ABCA8: variants seen among roughly 807,000 people sequenced by gnomAD.
The protein encoded by ABCA8 is ABC-type organic anion transporter ABCA8.
A neutral mutation model predicts 192.3 loss-of-function variants in ABCA8; 177 were observed. The ratio of observed to expected loss-of-function variants is 0.92; its 90% CI spans 0.81 to 1.04. The LOEUF is 1.04. Ranked by LOEUF, ABCA8 falls within the 50% of genes least tolerant of loss-of-function variation. The pLI is 0.00. For synonymous variants in ABCA8, 642 were observed against 690.2 expected (o/e 0.93, Z 1.09); for missense variants, 1,915 against 1,904.8 (o/e 1.01, Z -0.10).
At position 68,887,437 on chromosome 17, in the gene ABCA8, C is replaced by T; in HGVS notation, c.3214G>A (p.Val1072Met). 1 of 1,613,788 alleles carries T rather than the reference C, an allele frequency of 6.2e-7. No individual in the cohort carries two copies. The highest frequency in any genetic ancestry group is 8.5e-7 in the Non-Finnish European group (1 of 1,179,878). ...PSAYWFGQAL[V>M]DVSLYFLVFV... ...ACCAAGAAGTACAGGGAAACATCCA[C>T]CAGCGCCTGCCCAAACCAGTAAGCA... Residue 1072 changes from valine (V) to methionine (M), a missense_variant, in exon 25 of 40, where the codon GTG (valine) becomes ATG (methionine). Transcript: ENST00000586539.
intron 17 of ABCA8, among the ~76,000 whole-genome samples, chr17:68,912,759 A>C (rs1262097849): frequency 6.6e-6 from 1 of 152,118 alleles, no homozygotes; most frequent in Admixed American, 6.5e-5. Flanking sequence ...AATGTTATTA[A>C]GGCTAAAGAC....
At chr17:68,952,667 A>G (rs1483770428) in intron 1 of ABCA8, among the ~76,000 whole-genome samples, 5 of 152,086 alleles carry the variant, frequency 3.3e-5, no homozygotes, top group Non-Finnish European at 5.9e-5. Context: ...TGCTTTAAGA[A>G]CCCAGAAACT....
chr17:68,952,072 G>A (rs1030433968), intron 1 of ABCA8, among the ~76,000 whole-genome samples: 1 of 151,930 alleles, frequency 6.6e-6, no homozygotes, highest in African/African-American at 2.4e-5. Context: ...GTCTTTTATG[G>A]TTACTCTTAA....
intron 17 of ABCA8, among the ~76,000 whole-genome samples, chr17:68,912,149 G>A (rs1567853841): frequency 6.6e-6 from 1 of 152,138 alleles, no homozygotes; most frequent in Non-Finnish European, 1.5e-5. Flanking sequence ...GAGTGACAAA[G>A]ATATGTGACT....
Position 68,876,445 on chromosome 17 carries a change from G to A in ABCA8, c.4370+15C>T. On this transcript the variant is annotated intron_variant, in intron 35 of 39. Transcript: ENST00000586539. ...AGTCATCCGTGCTGTCCCTGACCGT[G>A]GTAATGTTCCTCACCACATTTGCTG... 1 of 1,613,902 alleles carries A rather than the reference G, an allele frequency of 6.2e-7. No homozygotes were observed. Among genetic ancestry groups the A allele is most frequent in the African/African-American group, 1.3e-5 (1 of 75,034 alleles).
chr17:68,889,603 G>C (rs943962332), intron 24 of ABCA8, among the ~76,000 whole-genome samples: 4 of 152,040 alleles, frequency 2.6e-5, no homozygotes, highest in African/African-American at 9.7e-5. Flanking sequence ...AGCTGAATGA[G>C]GTCTGATGAA....
intron 4 of ABCA8, among the ~76,000 whole-genome samples, chr17:68,938,740 C>T (rs72846154): frequency 0.011 from 1,708 of 152,256 alleles, 14 homozygotes; most frequent in Non-Finnish European, 0.015. Context: ...TTACATCCAA[C>T]CATCAATTCT....
Position 68,894,325 on chromosome 17 carries a change from G to T in ABCA8, c.2899-15C>A. The T allele has an allele frequency of 1.9e-6, 3 of 1,596,660 alleles. No homozygotes were observed. The highest frequency in any genetic ancestry group is 2.6e-6 in the Non-Finnish European group (3 of 1,173,760). The stretch of plus-strand genomic sequence containing the variant: ...AAGCTGTAATTCTAAAATATAACAA[G>T]TAGGATATAAGTTCTCAAATATCTT... On this transcript the variant is annotated splice_polypyrimidine_tract_variant and intron_variant, in intron 22 of 39. Coordinates refer to ENST00000586539, the MANE Select transcript of ABCA8 (RefSeq NM_001288985.2).
Position 68,894,245 on chromosome 17 carries a change from A to T in ABCA8, c.2964T>A (p.Ile988=), listed in dbSNP as rs1195938345. The T allele has an allele frequency of 2.5e-6, 4 of 1,613,032 alleles. No homozygotes were observed. In the East Asian group the frequency reaches 8.9e-5, roughly 36 times the overall value. Residue 988 remains isoleucine, a synonymous_variant, in exon 23 of 40, where the codon ATT becomes ATA. Coordinates refer to ENST00000586539, the MANE Select transcript of ABCA8 (RefSeq NM_001288985.2). ...CCATTCCAAGTAGCCCATTACTAACAATGTCCATAAGAACTGGGAAGCAAT... is the reference window on the plus strand; with the variant it reads ...CCATTCCAAGTAGCCCATTACTAACTATGTCCATAAGAACTGGGAAGCAAT... The part of the protein sequence containing the change: ...RLNCFPVLMD[I]VSNGLLGMVK...
At chr17:68,927,837 T>C (rs1418422908) in intron 10 of ABCA8, 79 bp downstream of exon 10, 2 of 1,104,194 alleles carry the variant, frequency 1.8e-6, no homozygotes, top group South Asian at 1.7e-5. Flanking sequence ...AAAATATAAA[T>C]AGTATATCCA....
At chr17:68,882,139 A>G (rs1455946789) in intron 30 of ABCA8, among the ~76,000 whole-genome samples, 159 bp from the exon 31 acceptor site, 1 of 152,134 alleles carries the variant, frequency 6.6e-6, no homozygotes, top group Non-Finnish European at 1.5e-5. Context: ...GCCCTATCCT[A>G]ACACTTGCTT....
chr17:68,919,468 T>C lies in ABCA8; in HGVS notation c.1621A>G (p.Thr541Ala), dbSNP rs936821303. ...GLSVPTKGSVTIYNNKLSEMA... is the reference protein window; with the variant it reads ...GLSVPTKGSVAIYNNKLSEMA... ...TCTGAAAGCTTATTGTTATAGATGG[T>C]GACTGAACCTGTAACAAAGGAAAAG... The change falls in exon 14 of 40, where the codon ACC becomes GCC. Residue 541 changes from threonine to alanine, a missense_variant. By Grantham distance (58) the Thr-to-Ala change is moderately conservative. Transcript: ENST00000586539. 1 of 1,611,984 alleles carries C rather than the reference T, an allele frequency of 6.2e-7. No individual in the cohort carries two copies. The highest frequency in any genetic ancestry group is 1.3e-5 in the African/African-American group (1 of 74,966).
intron 5 of ABCA8, among the ~76,000 whole-genome samples, chr17:68,934,870 A>C (rs1391562967): frequency 6.6e-6 from 1 of 152,190 alleles, no homozygotes; most frequent in Non-Finnish European, 1.5e-5. Flanking sequence ...AAGTGATATA[A>C]CATGTGGTTT....
rs1013417176 is a variant in ABCA8, at chr17:68,903,314, C to A, written c.2584G>T (p.Ala862Ser). 1 of 1,614,102 alleles carries A rather than the reference C, an allele frequency of 6.2e-7. No individual in the cohort carries two copies. The highest frequency in any genetic ancestry group is 8.5e-7 in the Non-Finnish European group (1 of 1,180,008). ...TCTGATACTTACAGTGCTAAAAGAG[C>A]TTTTCTTTCATGCTTTAACTTTAAC... is the stretch of plus-strand genomic sequence containing the variant. ...RLLKLKHERK[A>S]LLALLLILMA... Residue 862 changes from alanine to serine, a missense_variant, in exon 20 of 40, where the codon GCT becomes TCT. Transcript: ENST00000586539.
chr17:68,915,826 C>T (rs919204304), intron 17 of ABCA8, among the ~76,000 whole-genome samples: 5 of 152,192 alleles, frequency 3.3e-5, no homozygotes, highest in South Asian at 2.1e-4. Context: ...TCTGCACTCT[C>T]GTGTTTATTG....
In ABCA8 at chr17:68,911,901, C is replaced by G. The variant is rs1598245636; in HGVS notation, c.2139-4022G>C. ...CCATGTTACTGGATTTGAGGGTGCC[C>G]CCTAGTGCTGATACAGCTGCAGTGA... On this transcript the variant is annotated intron_variant, in intron 17 of 39. Transcript: ENST00000586539. The surrounding 1 kb of genome is among the most constrained non-coding windows in gnomAD (Gnocchi z 5.7). Among the ~76,000 whole-genome samples, 1 of 152,264 alleles carries G rather than the reference C, an allele frequency of 6.6e-6. No homozygotes were observed. Among genetic ancestry groups the G allele is most frequent in the African/African-American group, 2.4e-5 (1 of 41,554 alleles).
At chr17:68,944,137 C>T (rs2143782093) in intron 2 of ABCA8, among the ~76,000 whole-genome samples, 1 of 151,082 alleles carries the variant, frequency 6.6e-6, no homozygotes, top group South Asian at 2.1e-4. Flanking sequence ...GGGAACATCA[C>T]ACACTGGGTC....
rs200784080 is a variant in ABCA8, at chr17:68,933,171, T to C, written c.567A>G (p.Ile189Met). The change falls in exon 6 of 40, where the codon ATA becomes ATG. Residue 189 changes from isoleucine (I) to methionine (M), a missense_variant. By Grantham distance (10) the Ile-to-Met change is conservative. Transcript: ENST00000586539. The part of the protein sequence containing the change: ...ALQAAINAAI[I>M]EITTNHSVME... ...GCTTTGAACATTTTGTACTCACTTCTATAATAGCAGCATTAATGGCAGCTT... is the reference window on the plus strand; with the variant it reads ...GCTTTGAACATTTTGTACTCACTTCCATAATAGCAGCATTAATGGCAGCTT... 96 of 1,607,778 alleles carry C rather than the reference T, an allele frequency of 6.0e-5. 1 individual carries two copies. The Admixed American group carries it at 1.6e-3, about 27-fold the overall frequency.
intron 2 of ABCA8, among the ~76,000 whole-genome samples, chr17:68,946,125 G>T (rs11077818): frequency 0.61 from 92,964 of 151,468 alleles, 29,778 homozygotes; most frequent in African/African-American, 0.79. Flanking sequence ...TAGAGTGCAG[G>T]GGCGCCATCT....
Sources: gnomAD v4.1 joint callset for allele counts (sites outside exome capture counted in the v4.1 genomes callset) on GRCh38, gnomAD v4.1.1 for gene constraint, Gnocchi (gnomAD v3.1) non-coding constraint, MANE v1.5 for transcripts, NCBI Gene and HGNC (gene_info 2026-07-23, HGNC 2026-07-21) for gene names.